Variants in PDE7A observed in about 807,000 individuals in gnomAD.
The protein encoded by PDE7A is phosphodiesterase 7A.
A neutral mutation model predicts 64.3 loss-of-function variants in PDE7A; 39 were observed. The observed-to-expected ratio is 0.61, with a 90% CI of 0.47 to 0.79. PDE7A has a LOEUF of 0.79. PDE7A is among the 30% of genes least tolerant of loss of function. PDE7A has a pLI of 0.00. For missense variants in PDE7A, 470 were observed against 582.8 expected (o/e 0.81, Z 1.99); for synonymous variants, 203 against 206.8 (o/e 0.98, Z 0.16).
chr8:65,794,638 T>C (rs1275745323), intron 1 of PDE7A, among the ~76,000 whole-genome samples: 1 of 152,174 alleles, frequency 6.6e-6, no homozygotes, highest in Non-Finnish European at 1.5e-5. Flanking sequence ...TTTTCTGAAG[T>C]ATACTTGAGG....
chr8:65,817,379 A>T (rs1454679392), intron 1 of PDE7A, among the ~76,000 whole-genome samples: 3 of 152,258 alleles, frequency 2.0e-5, no homozygotes, highest in African/African-American at 7.2e-5. Context: ...AATAATGGAA[A>T]TGTCTTACAT....
intron 1 of PDE7A, among the ~76,000 whole-genome samples, chr8:65,821,327 C>T (rs950018122): frequency 1.3e-5 from 2 of 152,008 alleles, no homozygotes; most frequent in Non-Finnish European, 2.9e-5. Context: ...GCACTGTTCC[C>T]GCTGTGAAAA....
intron 10 of PDE7A, 127 bp downstream of exon 10, chr8:65,724,650 G>T: frequency 1.2e-6 from 1 of 808,340 alleles, no homozygotes; most frequent in Non-Finnish European, 1.9e-6. Flanking sequence ...TGCGCTAATT[G>T]AAGGAAATTC....
chr8:65,750,288 T>C (rs1320531033), intron 3 of PDE7A, among the ~76,000 whole-genome samples: 1 of 152,202 alleles, frequency 6.6e-6, no homozygotes, highest in Admixed American at 6.5e-5. Flanking sequence ...GCAGAATACT[T>C]GTACTGTATT....
Position 65,714,720 on chromosome 8 carries a change from A to G in PDE7A, c.*4570T>C, listed in dbSNP as rs1224931452. 3 of 152,232 alleles carry G rather than the reference A, an allele frequency of 2.0e-5. No homozygotes were observed. Among genetic ancestry groups the G allele is most frequent in the Admixed American group, 6.5e-5 (1 of 15,286 alleles). 9.4% of individuals were successfully genotyped at this position (152,232 alleles called of 1,614,324 possible). On this transcript the variant is annotated 3_prime_UTR_variant, in exon 13 of 13. Transcript: ENST00000401827. The stretch of plus-strand genomic sequence containing the variant: ...CATTTATACATTAAAATATTTATAC[A>G]TGCTTGAAAACACTGGAAATACCTG...
chr8:65,760,656 T>A (rs960278345), intron 3 of PDE7A, among the ~76,000 whole-genome samples: 1 of 152,182 alleles, frequency 6.6e-6, no homozygotes, highest in African/African-American at 2.4e-5. Flanking sequence ...TTTAAGACTG[T>A]TGGAAATTTT....
intron 7 of PDE7A, among the ~76,000 whole-genome samples, chr8:65,733,007 T>G (rs1806963787): frequency 6.6e-6 from 1 of 152,070 alleles, no homozygotes; most frequent in Non-Finnish European, 1.5e-5. Flanking sequence ...CCGTGCCCAG[T>G]CCTGGGTGAC....
intron 1 of PDE7A, among the ~76,000 whole-genome samples, chr8:65,826,948 A>T (rs1810690290): frequency 6.6e-6 from 1 of 152,122 alleles, no homozygotes; most frequent in East Asian, 1.9e-4. Flanking sequence ...CCATCTTCAC[A>T]TGATTTTCTT....
intron 1 of PDE7A, among the ~76,000 whole-genome samples, chr8:65,828,540 T>C (rs1315223177): frequency 6.6e-6 from 1 of 152,138 alleles, no homozygotes; most frequent in Non-Finnish European, 1.5e-5. Context: ...ATGTTGCAAA[T>C]TGTTACCAAA....
At chr8:65,724,191 A>G in intron 11 of PDE7A, 64 bp downstream of exon 11, 1 of 992,624 alleles carries the variant, frequency 1.0e-6, no homozygotes, top group Admixed American at 1.8e-5. Context: ...GAGTTATTTT[A>G]TTCTTACGAT....
intron 1 of PDE7A, among the ~76,000 whole-genome samples, chr8:65,829,507 A>G (rs1810760539): frequency 6.6e-6 from 1 of 152,148 alleles, no homozygotes; most frequent in South Asian, 2.1e-4. Context: ...CCATTAAAGA[A>G]AGACGGCAAC....
chr8:65,731,276 G>A (rs1806875113), intron 7 of PDE7A, among the ~76,000 whole-genome samples: 1 of 152,166 alleles, frequency 6.6e-6, no homozygotes. Context: ...TCAACCATCA[G>A]TCTTGCTGAC....
At chr8:65,763,919 G>A (rs1808638018) in intron 3 of PDE7A, among the ~76,000 whole-genome samples, 2 of 152,164 alleles carry the variant, frequency 1.3e-5, no homozygotes, top group East Asian at 1.9e-4. Context: ...TTATGCTATC[G>A]AGTTAAGGAA....
At chr8:65,781,197 G>A (rs1563505061) in intron 2 of PDE7A, among the ~76,000 whole-genome samples, 1 of 152,164 alleles carries the variant, frequency 6.6e-6, no homozygotes, top group Non-Finnish European at 1.5e-5. Context: ...GGAGGCATCT[G>A]GGCAGGGACC....
At chr8:65,822,230 T>C (rs1421129073) in intron 1 of PDE7A, among the ~76,000 whole-genome samples, 5 of 152,158 alleles carry the variant, frequency 3.3e-5, no homozygotes, top group Admixed American at 3.3e-4. Flanking sequence ...GACCTTGCCG[T>C]CCATCAGCTT....
At chr8:65,758,719 A>G (rs868460710) in intron 3 of PDE7A, among the ~76,000 whole-genome samples, 1 of 152,186 alleles carries the variant, frequency 6.6e-6, no homozygotes, top group Non-Finnish European at 1.5e-5. Flanking sequence ...GCTGTACAGT[A>G]TGTTCCTTTG....
chr8:65,752,718 A>G (rs1428740977), intron 3 of PDE7A, among the ~76,000 whole-genome samples: 1 of 152,310 alleles, frequency 6.6e-6, no homozygotes, highest in Non-Finnish European at 1.5e-5. Context: ...TTCTTGAATT[A>G]TATCTCTAAA....
chr8:65,822,713 G>A (rs958229502), intron 1 of PDE7A, among the ~76,000 whole-genome samples: 7 of 152,138 alleles, frequency 4.6e-5, no homozygotes, highest in Non-Finnish European at 1.5e-5. Flanking sequence ...AAAAAGCTGA[G>A]GGCAACTGGA....
chr8:65,732,544 A>C (rs1806944814), intron 7 of PDE7A, among the ~76,000 whole-genome samples: 1 of 151,972 alleles, frequency 6.6e-6, no homozygotes, highest in Non-Finnish European at 1.5e-5. Context: ...TATCTATCTA[A>C]AGATAGGTTG....
Sources: gnomAD v4.1 joint callset for allele counts (sites outside exome capture counted in the v4.1 genomes callset) on GRCh38, gnomAD v4.1.1 for gene constraint, MANE v1.5 for transcripts, NCBI Gene and HGNC (gene_info 2026-07-23, HGNC 2026-07-21) for gene names.